Variants in NF2 observed in about 807,000 individuals in gnomAD.
The protein encoded by NF2 is NF2, moesin-ezrin-radixin like (MERLIN) tumor suppressor, also known as merlin.
A neutral mutation model predicts 83.7 loss-of-function variants in NF2; 8 were observed. The ratio of observed to expected loss-of-function variants is 0.10; its 90% CI spans 0.06 to 0.17. The LOEUF is 0.17. Among genes scored for constraint, NF2 ranks in the 10% least tolerant of loss-of-function variants. The probability of loss-of-function intolerance (pLI) is 1.00; values close to 1 mark genes in which losing one functional copy is unlikely to be tolerated. For synonymous variants in NF2, 266 were observed against 269.6 expected (o/e 0.99, Z 0.13); for missense variants, 533 against 744.4 (o/e 0.72, Z 3.31).
At position 29,603,909 on chromosome 22, in the gene NF2, C is replaced by T. The variant is rs2064708939; in HGVS notation, c.-90C>T. On this transcript the variant is annotated 5_prime_UTR_variant, in exon 1 of 16. Coordinates refer to ENST00000338641, the MANE Select transcript of NF2 (RefSeq NM_000268.4). Reference sequence around the variant, plus strand: ...GCCGGGCAGCCGGCCACCATGGTGGCCCTGAGGCCTGTGCAGCAACTCCAG... The same window carrying T: ...GCCGGGCAGCCGGCCACCATGGTGGTCCTGAGGCCTGTGCAGCAACTCCAG... 2.0e-6 allele frequency: 2 copies of T among 1,018,964 alleles called. No homozygotes were observed. The highest frequency in any genetic ancestry group is 2.8e-5 in the South Asian group (2 of 70,900). The allele number at this position is 1,018,964 out of a possible 1,614,324, so 63.1% of individuals were successfully genotyped here.
chr22:29,656,162 C>T (rs2066301271), intron 6 of NF2, among the ~76,000 whole-genome samples: 1 of 151,796 alleles, frequency 6.6e-6, no homozygotes, highest in Admixed American at 6.6e-5. Flanking sequence ...TGGTCTTCAA[C>T]TCCTGGGCTC....
At chr22:29,693,743 G>A (rs1006713340) in intron 15 of NF2, among the ~76,000 whole-genome samples, 2 of 152,152 alleles carry the variant, frequency 1.3e-5, no homozygotes, top group African/African-American at 4.8e-5. Flanking sequence ...CCACGTCCTG[G>A]TCGCTTAACA....
At chr22:29,680,116 C>CTT (rs770322634) in intron 14 of NF2, among the ~76,000 whole-genome samples, 1 of 143,760 alleles carries the variant, frequency 7.0e-6, no homozygotes, top group Non-Finnish European at 1.5e-5. Flanking sequence ...CCTCCTGACA[C>CTT]TTTTTTTTTT....
chr22:29,603,888 G>GCCA lies in NF2; in HGVS notation c.-111_-110insCCA. ...CGCAGCCCAGACCGTTCCCGGGCCG[G>GCCA]GCAGCCGGCCACCATGGTGGCCCTG... On this transcript the variant is annotated 5_prime_UTR_variant, in exon 1 of 16. Transcript: ENST00000338641. 1 of 825,820 alleles carries GCCA rather than the reference G, an allele frequency of 1.2e-6. No homozygotes were observed. The highest frequency in any genetic ancestry group is 1.9e-6 in the Non-Finnish European group (1 of 528,764). The allele number at this position is 825,820 out of a possible 1,614,324, so 51.2% of individuals were successfully genotyped here.
intron 1 of NF2, among the ~76,000 whole-genome samples, chr22:29,622,124 GAA>G (rs1339172528): frequency 6.6e-6 from 1 of 152,230 alleles, no homozygotes; most frequent in Non-Finnish European, 1.5e-5. Context: ...AAAGTGGAAA[GAA>G]GAGATCATTT....
At chr22:29,661,522 C>T (rs1325276145) in intron 8 of NF2, among the ~76,000 whole-genome samples, 183 bp downstream of exon 8, 2 of 152,202 alleles carry the variant, frequency 1.3e-5, no homozygotes, top group Admixed American at 6.5e-5. Context: ...AATAACCCCA[C>T]TATGACTAAT....
chr22:29,619,828 C>T (rs2065170802), intron 1 of NF2, among the ~76,000 whole-genome samples: 2 of 152,162 alleles, frequency 1.3e-5, no homozygotes, highest in East Asian at 1.9e-4. Flanking sequence ...GCTAGTGCTG[C>T]CCTCCACTGG....
intron 4 of NF2, among the ~76,000 whole-genome samples, chr22:29,649,626 C>A: frequency 6.6e-6 from 1 of 152,040 alleles, no homozygotes; most frequent in Non-Finnish European, 1.5e-5. Context: ...CCTGTAATCC[C>A]AGCTACTCAG....
chr22:29,659,718 A>C (rs1386473894), intron 7 of NF2, among the ~76,000 whole-genome samples: 1 of 152,202 alleles, frequency 6.6e-6, no homozygotes, highest in Non-Finnish European at 1.5e-5. Flanking sequence ...AGGAGGCAGA[A>C]GGCTGAATCT....
intron 12 of NF2, among the ~76,000 whole-genome samples, 159 bp downstream of exon 12, chr22:29,673,645 A>G (rs1033588610): frequency 2.0e-5 from 3 of 152,052 alleles, no homozygotes; most frequent in Non-Finnish European, 2.9e-5. Flanking sequence ...CTGGTGCTTT[A>G]TCCATTTTGG....
intron 1 of NF2, among the ~76,000 whole-genome samples, chr22:29,624,350 GGA>G (rs2146780632): frequency 6.6e-6 from 1 of 152,260 alleles, no homozygotes; most frequent in Admixed American, 6.5e-5. Flanking sequence ...TGGGATTATA[GGA>G]GTGCACCACC....
intron 1 of NF2, among the ~76,000 whole-genome samples, chr22:29,614,062 A>C (rs895970583): frequency 6.0e-5 from 9 of 150,286 alleles, no homozygotes; most frequent in Admixed American, 3.3e-4. Flanking sequence ...CGGCCGGAAT[A>C]GTCCTTTCAA....
chr22:29,675,812 CG>C (rs894445775), intron 13 of NF2, among the ~76,000 whole-genome samples: 1 of 135,298 alleles, frequency 7.4e-6, no homozygotes, highest in African/African-American at 2.6e-5. Flanking sequence ...ACACACAGCA[CG>C]GACACACACG....
chr22:29,681,230 T>C (rs1399681075), intron 14 of NF2, among the ~76,000 whole-genome samples: 1 of 152,008 alleles, frequency 6.6e-6, no homozygotes, highest in African/African-American at 2.4e-5. Context: ...GGCCCTGTGA[T>C]CATTATCCCA....
rs1224882602 is a variant in NF2, at chr22:29,633,406, T to C, written c.115-3345T>C. On this transcript the variant is annotated intron_variant, in intron 1 of 15. Transcript: ENST00000338641. Reference sequence around the variant, plus strand: ...CTTAATTCTGTCTCCTCTGGTCCTGTTCAGGCACCTGTTCTGTGACTCTGC... The same window carrying C: ...CTTAATTCTGTCTCCTCTGGTCCTGCTCAGGCACCTGTTCTGTGACTCTGC... Among the ~76,000 whole-genome samples, 3 of 152,150 alleles carry C rather than the reference T, an allele frequency of 2.0e-5. No homozygotes were observed. The East Asian group carries it at 5.8e-4, about 29-fold the overall frequency.
At chr22:29,644,263 C>CTGCAATCTCGGCACTTTGGGAG (rs1481358539) in intron 4 of NF2, among the ~76,000 whole-genome samples, 6 of 146,266 alleles carry the variant, frequency 4.1e-5, no homozygotes, top group South Asian at 4.4e-4. Flanking sequence ...CGGGCAGAGG[C>CTGCAATCTCGGCACTTTGGGAG]GCTCCTCACA....
At chr22:29,644,801 A>G (rs1257041633) in intron 4 of NF2, among the ~76,000 whole-genome samples, 2 of 152,174 alleles carry the variant, frequency 1.3e-5, no homozygotes, top group Admixed American at 1.3e-4. Context: ...CGCGCCTGCA[A>G]TTGCAGGCAC....
intron 14 of NF2, among the ~76,000 whole-genome samples, chr22:29,680,053 G>A (rs2067082093): frequency 6.6e-6 from 1 of 151,534 alleles, no homozygotes; most frequent in South Asian, 2.1e-4. Context: ...TCTTTTATAA[G>A]GGCACTAATC....
At chr22:29,605,590 G>A (rs1264447088) in intron 1 of NF2, among the ~76,000 whole-genome samples, 1 of 152,090 alleles carries the variant, frequency 6.6e-6, no homozygotes, top group Non-Finnish European at 1.5e-5. Context: ...GATTACAGAT[G>A]CAGCCACCAC....
Sources: allele counts gnomAD v4.1 joint callset (sites outside exome capture counted in the v4.1 genomes callset), GRCh38; gene constraint gnomAD v4.1.1; transcripts MANE v1.5; gene names NCBI Gene and HGNC (gene_info 2026-07-23, HGNC 2026-07-21).